The following ACAP3 variants were observed in gnomAD, a reference collection of about 807,000 sequenced individuals.
ACAP3 encodes ArfGAP with coiled-coil, ankyrin repeat and PH domains 3, also known as arf-GAP with coiled-coil, ANK repeat and PH domain-containing protein 3.
ACAP3 carries 56 observed loss-of-function variants against 104.1 expected under a neutral mutation model. The ratio of observed to expected loss-of-function variants is 0.54; its 90% CI spans 0.43 to 0.67. The LOEUF (loss-of-function observed/expected upper bound fraction) is 0.67. Ranked by LOEUF, ACAP3 falls within the 30% of genes least tolerant of loss-of-function variation. The pLI, the probability that ACAP3 is intolerant of heterozygous loss-of-function variation, is 0.00. For synonymous variants in ACAP3, 628 were observed against 496.2 expected, an observed-to-expected ratio of 1.27 and a Z score of -3.53; for missense variants, 1,208 against 1,174.9, an observed-to-expected ratio of 1.03 and a Z score of -0.41.
chr1:1,300,364 T>C, intron 6 of ACAP3, 145 bp downstream of exon 6: 1 of 1,217,240 alleles, frequency 8.2e-7, no homozygotes. Context: ...GGTCCTGGAC[T>C]GCTTCCCCAT....
intron 1 of ACAP3, chr1:1,307,049 G>C: frequency 3.1e-6 from 2 of 653,534 alleles, no homozygotes; most frequent in Non-Finnish European, 2.5e-6. Context: ...GTGCAGAGGA[G>C]GGGGCCTCAC....
intron 9 of ACAP3, 100 bp downstream of exon 9, chr1:1,299,731 A>C: frequency 7.5e-7 from 1 of 1,337,482 alleles, no homozygotes; most frequent in Non-Finnish European, 1.0e-6. Flanking sequence ...GGTGGGAGAC[A>C]GGCAGGAGGA....
chr1:1,298,324 T>C, intron 12 of ACAP3, 46 bp downstream of exon 12: 1 of 1,604,216 alleles, frequency 6.2e-7, no homozygotes, highest in Non-Finnish European at 8.5e-7. Flanking sequence ...GTGGCCCAGG[T>C]GGGGCGTCCA....
chr1:1,302,924 T>C lies in ACAP3; in HGVS notation c.277A>G (p.Met93Val). ...DSLQEVVNYH[M>V]ILFDQAQRSV... The stretch of plus-strand genomic sequence containing the variant: ...GGTGGCAGGGAGGCCGCGCTCACCA[T>C]GTGGTAGTTCACCACCTCCTGTAGG... The change falls in exon 4 of 24, where the codon ATG becomes GTG. Residue 93 changes from methionine (M) to valine (V), a missense_variant and splice_region_variant. Transcript: ENST00000354700. The C allele has an allele frequency of 2.5e-6, 4 of 1,609,930 alleles. No homozygotes were observed. Among genetic ancestry groups the C allele is most frequent in the South Asian group, 2.2e-5 (2 of 90,786 alleles).
intron 1 of ACAP3, chr1:1,307,200 C>T: frequency 3.1e-6 from 4 of 1,287,156 alleles, no homozygotes; most frequent in South Asian, 1.2e-5. Context: ...CTGCACGCCA[C>T]GAATGATGGA....
Position 1,299,821 on chromosome 1 carries a change from G to C in ACAP3, c.738+10C>G. 1.3e-6 allele frequency: 2 copies of C among 1,542,320 alleles called. No individual in the cohort carries two copies. The highest frequency in any genetic ancestry group is 1.8e-6 in the Non-Finnish European group (2 of 1,142,052). ...GCCTGGTGTGCAGGGAGCCGGCTGC[G>C]CGGCCTCACCCGCTGCTGGATGGCG... On this transcript the variant is annotated intron_variant, in intron 9 of 23. Coordinates refer to ENST00000354700, the MANE Select transcript of ACAP3 (RefSeq NM_030649.3).
rs1180020710 is a variant in ACAP3 at position 1,299,464 on chromosome 1, C to T, written c.739-108G>A. 3.5e-5 allele frequency: 45 copies of T among 1,294,862 alleles called. No individual in the cohort carries two copies. The Admixed American group carries it at 9.2e-4, about 27-fold the overall frequency. The allele number at this position is 1,294,862 out of a possible 1,614,324, so 80.2% of individuals were successfully genotyped here. ...CCCAACTCCTGGTGACTGGTGGACC[C>T]GTCCCCAACTCCTGGGGGGCTCTCC... On this transcript the variant is annotated intron_variant, in intron 9 of 23. Transcript: ENST00000354700.
At position 1,298,358 on chromosome 1, in the gene ACAP3, C is replaced by A. The variant is rs1316816043; in HGVS notation, c.915+12G>T. The stretch of plus-strand genomic sequence containing the variant: ...CAGCCATCAGGGCCCCAGCCCCAGG[C>A]CCAGGGCACACCTTGAGCTTCTTCT... On this transcript the variant is annotated intron_variant, in intron 12 of 23. Coordinates refer to ENST00000354700, the MANE Select transcript of ACAP3 (RefSeq NM_030649.3). 5.6e-6 allele frequency: 9 copies of A among 1,605,426 alleles called. No individual in the cohort carries two copies. Among genetic ancestry groups the A allele is most frequent in the Non-Finnish European group, 7.7e-6 (9 of 1,175,958 alleles).
chr1:1,293,968 G>A (rs186490603), intron 22 of ACAP3, 35 bp from the exon 23 acceptor site: 3 of 1,496,916 alleles, frequency 2.0e-6, no homozygotes, highest in African/African-American at 1.5e-5. Context: ...TGTCGGGGCG[G>A]GGCGGGGCGG....
chr1:1,302,687 C>T (rs982595582), intron 4 of ACAP3, among the ~76,000 whole-genome samples: 1 of 151,980 alleles, frequency 6.6e-6, no homozygotes, highest in Non-Finnish European at 1.5e-5. Flanking sequence ...GTTGGGGGAA[C>T]CCTGGATAAA....
At position 1,294,759 on chromosome 1, in the gene ACAP3, G is replaced by A. The variant is rs1191520607; in HGVS notation, c.1871C>T (p.Ala624Val). 6.5e-7 allele frequency: 1 copy of A among 1,549,928 alleles called. No homozygotes were observed. The highest frequency in any genetic ancestry group is 1.2e-5 in the South Asian group (1 of 84,056). Residue 624 changes from alanine to valine, a missense_variant, in exon 20 of 24, where the codon GCT (alanine) becomes GTT (valine). Coordinates refer to ENST00000354700, the MANE Select transcript of ACAP3 (RefSeq NM_030649.3). ...GTCCACCACAGAGCCCGAGCCGAAA[G>A]CCAGGACGTCCGAGCTGCCATCCGA... ...GSSDGSSDVL[A>V]FGSGSVVDSV...
chr1:1,294,036 GGCCGGGGTAGGCGT>G, intron 22 of ACAP3, 40 bp downstream of exon 22: 2 of 1,496,594 alleles, frequency 1.3e-6, no homozygotes, highest in Non-Finnish European at 1.8e-6. Flanking sequence ...GGCGTAGCCG[GGCCGGGGTAGGCGT>G]GGTCGGGGCA....
At position 1,293,591 on chromosome 1, in the gene ACAP3, G is replaced by A. The variant is rs1276665114; in HGVS notation, c.2478C>T (p.Phe826=). ...ELQFRRCIQE[F]ISLHLEES ...AGCTCTCTTCCAGGTGGAGGCTGATGAACTCCTGGATACACCTGCGGAACT... is the reference window on the plus strand; with the variant it reads ...AGCTCTCTTCCAGGTGGAGGCTGATAAACTCCTGGATACACCTGCGGAACT... The change falls in exon 24 of 24, where the codon TTC becomes TTT. Residue 826 remains phenylalanine, a synonymous_variant. Coordinates refer to ENST00000354700, the MANE Select transcript of ACAP3 (RefSeq NM_030649.3). 7 of 1,489,816 alleles carry A rather than the reference G, an allele frequency of 4.7e-6. No individual in the cohort carries two copies. In the African/African-American group the frequency reaches 5.9e-5, roughly 12 times the overall value. The allele number at this position is 1,489,816 out of a possible 1,614,324, so 92.3% of individuals were successfully genotyped here.
chr1:1,297,951 GC>G lies in ACAP3; in HGVS notation c.1017-19del, dbSNP rs1557602340. The G allele has an allele frequency of 6.2e-7, 1 of 1,611,100 alleles. No individual in the cohort carries two copies. The highest frequency in any genetic ancestry group is 1.7e-5 in the Admixed American group (1 of 59,868). The stretch of plus-strand genomic sequence containing the variant: ...TGCAGCTCCTGCAGGCAGTGGAGGG[GC>G]GGGCGTCAGCTCCGGTGGGCAGGTA... On this transcript the variant is annotated intron_variant, in intron 13 of 23. Transcript: ENST00000354700.
chr1:1,305,477 A>G (rs1641651381), intron 1 of ACAP3: 2 of 152,246 alleles, frequency 1.3e-5, no homozygotes, highest in South Asian at 4.1e-4. Flanking sequence ...AGCTGCACCC[A>G]GAGCTGCCGC....
intron 19 of ACAP3, 142 bp from the exon 20 acceptor site, chr1:1,294,958 C>T (rs1043743667): frequency 6.8e-6 from 5 of 739,680 alleles, no homozygotes; most frequent in Admixed American, 2.9e-5. Context: ...CCGGGGGGAG[C>T]CAGCTGCAGG....
At position 1,303,154 on chromosome 1, in the gene ACAP3, C is replaced by G; in HGVS notation, c.225+8G>C. On this transcript the variant is annotated splice_region_variant and intron_variant, in intron 3 of 23. Transcript: ENST00000354700. The surrounding 1 kb of genome is among the most constrained non-coding windows in gnomAD (Gnocchi z 4.0). ...CACCTTGAGGTCAGAGGTCAGTCGG[C>G]CCCTCACCGAGATGACGGTGTCGCC... The G allele has an allele frequency of 6.3e-7, 1 of 1,591,174 alleles. No individual in the cohort carries two copies. Among genetic ancestry groups the G allele is most frequent in the Non-Finnish European group, 8.5e-7 (1 of 1,170,120 alleles).
intron 1 of ACAP3, chr1:1,305,169 C>G (rs1175201238): frequency 6.6e-6 from 1 of 152,326 alleles, no homozygotes; most frequent in African/African-American, 2.4e-5. Flanking sequence ...GCTGCCCCAG[C>G]CAGGGACCTT....
chr1:1,298,283 C>A, intron 12 of ACAP3, 87 bp downstream of exon 12: 1 of 1,593,016 alleles, frequency 6.3e-7, no homozygotes, highest in Non-Finnish European at 8.6e-7. Flanking sequence ...TGCCCCGGCC[C>A]TGTGCTAACC....
Sources: gnomAD v4.1 joint callset for allele counts (sites outside exome capture counted in the v4.1 genomes callset) on GRCh38, gnomAD v4.1.1 for gene constraint, Gnocchi (gnomAD v3.1) non-coding constraint, MANE v1.5 for transcripts, NCBI Gene and HGNC (gene_info 2026-07-23, HGNC 2026-07-21) for gene names.